TLE4: variants seen among roughly 807,000 people sequenced by gnomAD.
TLE4 encodes transducin-like enhancer protein 4.
Under a neutral mutation model 92.8 loss-of-function variants are expected in TLE4, and 8 were observed. The observed-to-expected ratio is 0.09, with a 90% CI of 0.05 to 0.16. TLE4 has a LOEUF of 0.16. Ranked by LOEUF, TLE4 falls within the 10% of genes least tolerant of loss-of-function variation. The pLI, the probability that TLE4 is intolerant of heterozygous loss-of-function variation, is 1.00. For missense variants in TLE4, 675 were observed against 997.6 expected (o/e 0.68, Z 4.36); for synonymous variants, 371 against 374.1 (o/e 0.99, Z 0.10).
At chr9:79,709,742 A>C (rs770022137) in intron 14 of TLE4, 43 bp downstream of exon 14, 1 of 1,578,192 alleles carries the variant, frequency 6.3e-7, no homozygotes. Context: ...TGTCAAACTC[A>C]GGTCCCTTGC....
At chr9:79,583,682 A>G (rs966162755) in intron 4 of TLE4, among the ~76,000 whole-genome samples, 1 of 152,048 alleles carries the variant, frequency 6.6e-6, no homozygotes, top group African/African-American at 2.4e-5. Context: ...TTTTCGAACT[A>G]TGTATTCTGT....
In TLE4 at chr9:79,708,717, C is replaced by T. The variant is rs1276269814; in HGVS notation, c.1194C>T (p.Asn398=). The part of the protein sequence containing the change: ...SPGAAYAGLH[N]ISPQMSAAAA... ...GAGCGGCCTACGCTGGGCTCCACAA[C>T]ATCTCCCCTCAGATGAGCGCAGCTG... The change falls in exon 13 of 20, where the codon AAC becomes AAT. Residue 398 remains asparagine, a synonymous_variant. Coordinates refer to ENST00000376552, the MANE Select transcript of TLE4 (RefSeq NM_007005.6). The T allele has an allele frequency of 6.2e-7, 1 of 1,612,930 alleles. No homozygotes were observed. Among genetic ancestry groups the T allele is most frequent in the South Asian group, 1.1e-5 (1 of 91,084 alleles).
chr9:79,683,981 A>G (rs1020611923), intron 8 of TLE4, among the ~76,000 whole-genome samples: 3 of 152,246 alleles, frequency 2.0e-5, no homozygotes, highest in Admixed American at 6.5e-5. Context: ...ATCACAAACC[A>G]TAATTCCATA....
At chr9:79,631,789 C>A (rs779672102) in intron 6 of TLE4, among the ~76,000 whole-genome samples, 1 of 151,468 alleles carries the variant, frequency 6.6e-6, no homozygotes, top group Non-Finnish European at 1.5e-5. Context: ...GATGAGCCAC[C>A]GTGGTCATTT....
intron 4 of TLE4, among the ~76,000 whole-genome samples, chr9:79,583,280 G>A (rs1309169056): frequency 6.6e-6 from 1 of 152,174 alleles, no homozygotes; most frequent in African/African-American, 2.4e-5. Flanking sequence ...CATGGGCAGG[G>A]TGTGGATTTT....
chr9:79,692,595 T>A (rs900898176), intron 8 of TLE4, among the ~76,000 whole-genome samples: 19 of 152,180 alleles, frequency 1.2e-4, no homozygotes, highest in African/African-American at 4.3e-4. Context: ...TAAACTACCA[T>A]AAACTGGGTA....
At chr9:79,703,387 A>G (rs2070522442) in intron 8 of TLE4, among the ~76,000 whole-genome samples, 1 of 151,972 alleles carries the variant, frequency 6.6e-6, no homozygotes, top group South Asian at 2.1e-4. Flanking sequence ...CCGCTCTCCC[A>G]CCTCACCTGC....
At chr9:79,698,377 GACAAAAACAATAGAACATTTTA>G (rs1237176343) in intron 8 of TLE4, among the ~76,000 whole-genome samples, 3 of 152,222 alleles carry the variant, frequency 2.0e-5, no homozygotes, top group African/African-American at 4.8e-5. Flanking sequence ...GAGAAGCAGA[GACAAAAACAATAGAACATTTTA>G]AAGAATATAT....
intron 14 of TLE4, among the ~76,000 whole-genome samples, chr9:79,710,875 C>G (rs1445779969): frequency 1.3e-5 from 2 of 152,184 alleles, no homozygotes; most frequent in Non-Finnish European, 2.9e-5. Flanking sequence ...AGCAGTCTCA[C>G]TGCCTAGAAT....
intron 18 of TLE4, 146 bp downstream of exon 18, chr9:79,722,747 C>T: frequency 9.1e-7 from 1 of 1,099,720 alleles, no homozygotes; most frequent in Non-Finnish European, 1.3e-6. Context: ...CCTGCTTCCC[C>T]AACACCATGT....
chr9:79,654,459 C>T (rs1564676681), intron 8 of TLE4, among the ~76,000 whole-genome samples: 1 of 151,042 alleles, frequency 6.6e-6, no homozygotes, highest in Non-Finnish European at 1.5e-5. Context: ...GGAAACAGCT[C>T]CAACCTACAA....
At chr9:79,590,549 T>C (rs1009057255) in intron 4 of TLE4, among the ~76,000 whole-genome samples, 1 of 152,162 alleles carries the variant, frequency 6.6e-6, no homozygotes, top group African/African-American at 2.4e-5. Flanking sequence ...GGGAGCTCAT[T>C]TCCAAAGGCT....
intron 8 of TLE4, chr9:79,663,705 G>C (rs978909318): frequency 3.9e-5 from 6 of 151,922 alleles, no homozygotes; most frequent in Non-Finnish European, 5.9e-5. Context: ...TCACGGAACT[G>C]GTTGAGCAAT....
chr9:79,631,384 C>T (rs755569769), intron 6 of TLE4, among the ~76,000 whole-genome samples: 1 of 152,038 alleles, frequency 6.6e-6, no homozygotes, highest in Non-Finnish European at 1.5e-5. Flanking sequence ...TTCCTCTCAG[C>T]TCAGGAAAAA....
chr9:79,707,319 T>A, intron 11 of TLE4: 2 of 941,690 alleles, frequency 2.1e-6, no homozygotes, highest in Non-Finnish European at 3.3e-6. Flanking sequence ...ATCTAAAAAG[T>A]AATCTCTCAT....
intron 7 of TLE4, among the ~76,000 whole-genome samples, chr9:79,653,343 A>C (rs751108113): frequency 6.6e-6 from 1 of 152,250 alleles, no homozygotes. Flanking sequence ...GTTTAGAAGC[A>C]TGAAATTAAC....
At chr9:79,678,620 T>TC (rs977848396) in intron 8 of TLE4, among the ~76,000 whole-genome samples, 1 of 150,514 alleles carries the variant, frequency 6.6e-6, no homozygotes, top group South Asian at 2.1e-4. Context: ...TTGTTTTTCT[T>TC]TTTTTTTTAT....
chr9:79,713,749 A>G (rs1287088925), intron 14 of TLE4, among the ~76,000 whole-genome samples: 1 of 152,182 alleles, frequency 6.6e-6, no homozygotes, highest in Admixed American at 6.6e-5. Flanking sequence ...TTAGTCCTAC[A>G]GGATTTTATA....
intron 14 of TLE4, among the ~76,000 whole-genome samples, chr9:79,712,938 CTT>C (rs1379305850): frequency 6.6e-6 from 1 of 152,202 alleles, no homozygotes; most frequent in Non-Finnish European, 1.5e-5. Flanking sequence ...AAATCTGACT[CTT>C]TTGCATTGAT....
Sources: gnomAD v4.1 joint callset for allele counts (sites outside exome capture counted in the v4.1 genomes callset) on GRCh38, gnomAD v4.1.1 for gene constraint, MANE v1.5 for transcripts, NCBI Gene and HGNC (gene_info 2026-07-23, HGNC 2026-07-21) for gene names.